The following ATP9B variants were observed in gnomAD, a reference collection of about 807,000 sequenced individuals.
ATP9B encodes the protein probable phospholipid-transporting ATPase IIB.
A neutral mutation model predicts 146.1 loss-of-function variants in ATP9B; 110 were observed. That is an observed-to-expected ratio of 0.75 (90% CI 0.65 to 0.88). The LOEUF is 0.88. Ranked by LOEUF, ATP9B falls within the 40% of genes least tolerant of loss-of-function variation. The pLI is 0.00. For synonymous variants in ATP9B, 604 were observed against 569.7 expected, an observed-to-expected ratio of 1.06 and a Z score of -0.86; for missense variants, 1,499 against 1,496.4, an observed-to-expected ratio of 1.00 and a Z score of -0.03.
At position 79,335,522 on chromosome 18, in the gene ATP9B, T is replaced by C. The variant is rs114698017; in HGVS notation, c.2029-1106T>C. On this transcript the variant is annotated intron_variant, in intron 17 of 29. Transcript: ENST00000426216. ...GGTTAGCACCGTTTCATGAGCTCATTGCAGGCATTTCCATGTCTTGCTTTA... is the reference window on the plus strand; with the variant it reads ...GGTTAGCACCGTTTCATGAGCTCATCGCAGGCATTTCCATGTCTTGCTTTA... 6.5e-3 allele frequency among the ~76,000 whole-genome samples: 991 copies of C among 152,342 alleles called. 5 individuals are homozygous for C. Among genetic ancestry groups the C allele is most frequent in the African/African-American group, 0.022 (928 of 41,568 alleles).
chr18:79,264,672 G>T (rs1191167192), intron 12 of ATP9B, among the ~76,000 whole-genome samples: 8 of 146,608 alleles, frequency 5.5e-5, no homozygotes, highest in African/African-American at 7.5e-5. Context: ...AGTGTTTTTT[G>T]TTTTTTTTTT....
intron 25 of ATP9B, among the ~76,000 whole-genome samples, chr18:79,355,356 A>G (rs1032238457): frequency 6.6e-6 from 1 of 152,262 alleles, no homozygotes; most frequent in Non-Finnish European, 1.5e-5. Flanking sequence ...GGAAACAGTC[A>G]TTACCAACAT....
Position 79,075,967 on chromosome 18 carries a change from A to G in ATP9B, c.119+6438A>G, listed in dbSNP as rs1006967980. ...ACTTAGTGCTAGCTCTAGGAATTACATTACATATACATAACTCATTGCAGT... is the reference window on the plus strand; with the variant it reads ...ACTTAGTGCTAGCTCTAGGAATTACGTTACATATACATAACTCATTGCAGT... On this transcript the variant is annotated intron_variant, in intron 1 of 29. Coordinates refer to ENST00000426216, the MANE Select transcript of ATP9B (RefSeq NM_198531.5). Among the ~76,000 whole-genome samples the G allele has an allele frequency of 2.6e-5, 4 of 152,302 alleles. No individual in the cohort carries two copies. The South Asian group carries it at 6.2e-4, about 24-fold the overall frequency.
At chr18:79,200,788 T>TA (rs2095477165) in intron 9 of ATP9B, among the ~76,000 whole-genome samples, 1 of 35,458 alleles carries the variant, frequency 2.8e-5, no homozygotes, top group African/African-American at 1.2e-4. Context: ...GAAGTAGTGG[T>TA]GGAATTGTTT....
intron 19 of ATP9B, 29 bp from the exon 20 acceptor site, chr18:79,342,239 G>A: frequency 6.5e-7 from 1 of 1,547,534 alleles, no homozygotes; most frequent in Non-Finnish European, 8.9e-7. Flanking sequence ...TTGTCTTGTT[G>A]AAATTCACCA....
intron 20 of ATP9B, among the ~76,000 whole-genome samples, chr18:79,342,721 TTATAC>T (rs1347540705): frequency 2.6e-5 from 4 of 152,300 alleles, no homozygotes; most frequent in African/African-American, 9.6e-5. Context: ...TATTTTTTGC[TTATAC>T]TATTAGTATT....
intron 20 of ATP9B, 136 bp downstream of exon 20, chr18:79,342,502 T>G (rs1277672602): frequency 7.7e-6 from 4 of 520,292 alleles, no homozygotes; most frequent in Admixed American, 3.5e-5. Flanking sequence ...TTTTTTAATT[T>G]ATAACAGCAC....
chr18:79,140,865 G>C lies in ATP9B; in HGVS notation c.668-2937G>C, dbSNP rs1445469985. Among the ~76,000 whole-genome samples the C allele has an allele frequency of 2.0e-5, 3 of 152,112 alleles. No individual in the cohort carries two copies. In the East Asian group the frequency reaches 5.8e-4, roughly 29 times the overall value. On this transcript the variant is annotated intron_variant, in intron 5 of 29. Transcript: ENST00000426216. Reference sequence around the variant, plus strand: ...GGAGCCCATATAATTTGTTGTTCATGGGAACAAGTGAGATGAATGCTTTTC... The same window carrying C: ...GGAGCCCATATAATTTGTTGTTCATCGGAACAAGTGAGATGAATGCTTTTC...
Position 79,069,441 on chromosome 18 carries a change from C to T in ATP9B, c.31C>T (p.Arg11Cys), listed in dbSNP as rs529205323. 22 of 1,518,212 alleles carry T rather than the reference C, an allele frequency of 1.4e-5. No homozygotes were observed. The highest frequency in any genetic ancestry group is 2.2e-5 in the Admixed American group (1 of 46,188). 94.0% of individuals were successfully genotyped at this position (1,518,212 alleles called of 1,614,324 possible). Residue 11 changes from arginine to cysteine, a missense_variant, in exon 1 of 30, where the codon CGT (arginine) becomes TGT (cysteine). Arg to Cys is a radical substitution (Grantham distance 180). Transcript: ENST00000426216. MADQIPLYPV[R>C]SAAAAAANRK... ...GGACCAGATCCCGCTTTACCCGGTG[C>T]GTAGCGCAGCGGCGGCCGCAGCCAA...
chr18:79,200,541 G>C (rs534639711), intron 9 of ATP9B, among the ~76,000 whole-genome samples: 1 of 152,194 alleles, frequency 6.6e-6, no homozygotes, highest in East Asian at 1.9e-4. Context: ...CATTTATTAA[G>C]GTATGCCAGA....
chr18:79,083,511 C>T (rs1310190328), intron 1 of ATP9B, among the ~76,000 whole-genome samples: 1 of 152,180 alleles, frequency 6.6e-6, no homozygotes, highest in Non-Finnish European at 1.5e-5. Context: ...TAGCTTTGTG[C>T]TTGAAATGCA....
At chr18:79,199,824 G>T (rs68113885) in intron 9 of ATP9B, among the ~76,000 whole-genome samples, 5 of 151,436 alleles carry the variant, frequency 3.3e-5, no homozygotes, top group African/African-American at 1.2e-4. Flanking sequence ...AGGCCTACTC[G>T]GATCATCAGT....
intron 1 of ATP9B, 111 bp from the exon 2 acceptor site, chr18:79,096,365 C>T: frequency 2.9e-6 from 3 of 1,025,192 alleles, no homozygotes; most frequent in Non-Finnish European, 4.3e-6. Context: ...ATTTATAATG[C>T]TTTCCCTCAG....
At chr18:79,123,286 A>G (rs1386511269) in intron 4 of ATP9B, among the ~76,000 whole-genome samples, 1 of 152,188 alleles carries the variant, frequency 6.6e-6, no homozygotes, top group Non-Finnish European at 1.5e-5. Context: ...CCATCCCAAA[A>G]TGGAATTAGG....
chr18:79,174,217 T>C, intron 7 of ATP9B: 1 of 423,772 alleles, frequency 2.4e-6, no homozygotes, highest in South Asian at 1.7e-5. Context: ...AACTTTATTC[T>C]AGGAATTTTC....
rs775555401 is a variant in ATP9B, at chr18:79,336,686, C to G, written c.2087C>G (p.Thr696Arg). Residue 696 changes from threonine (T) to arginine (R), a missense_variant, in exon 18 of 30, where the codon ACA (threonine) becomes AGA (arginine). Thr to Arg is a moderately conservative substitution (Grantham distance 71). Transcript: ENST00000426216. ...CTCGTGGTTGCAAAGAAGGCGTTGA[C>G]AGAGGAGCAGTACCAGGACTTTGAG... ...RTLVVAKKAL[T>R]EEQYQDFESR... 5 of 1,613,912 alleles carry G rather than the reference C, an allele frequency of 3.1e-6. No individual in the cohort carries two copies. The South Asian group carries it at 4.4e-5, about 14-fold the overall frequency.
chr18:79,262,486 G>A (rs2096153413), intron 12 of ATP9B, among the ~76,000 whole-genome samples: 1 of 152,114 alleles, frequency 6.6e-6, no homozygotes, highest in Non-Finnish European at 1.5e-5. Context: ...TAGAAAAAGG[G>A]CATAGTTTAG....
At chr18:79,304,709 G>A (rs1568626308) in intron 14 of ATP9B, among the ~76,000 whole-genome samples, 1 of 152,194 alleles carries the variant, frequency 6.6e-6, no homozygotes, top group African/African-American at 2.4e-5. Context: ...ACCACACTGA[G>A]CACAGCCCTG....
intron 15 of ATP9B, among the ~76,000 whole-genome samples, chr18:79,308,710 T>A (rs71366517): frequency 1.0e-3 from 11 of 10,554 alleles, no homozygotes; most frequent in East Asian, 5.5e-3. Context: ...AGGTCAGGGG[T>A]GGTGGAGTGA....
Sources: gnomAD v4.1 joint callset for allele counts (sites outside exome capture counted in the v4.1 genomes callset) on GRCh38, gnomAD v4.1.1 for gene constraint, MANE v1.5 for transcripts, NCBI Gene and HGNC (gene_info 2026-07-23, HGNC 2026-07-21) for gene names.